PGLYRP2: variants seen among roughly 807,000 people sequenced by gnomAD.
The protein encoded by PGLYRP2 is N-acetylmuramoyl-L-alanine amidase.
Under a neutral mutation model 46.2 loss-of-function variants are expected in PGLYRP2, and 38 were observed. The observed-to-expected ratio is 0.82, with a 90% confidence interval of 0.64 to 1.08. The LOEUF (loss-of-function observed/expected upper bound fraction) is 1.08, where lower values mean the gene tolerates loss of function less well. Among genes scored for constraint, PGLYRP2 ranks in the 50% least tolerant of loss-of-function variants. The pLI is 0.00. For synonymous variants in PGLYRP2, 289 were observed against 329.4 expected (o/e 0.88, Z 1.33); for missense variants, 713 against 755.9 (o/e 0.94, Z 0.67).
At chr19:15,471,421 G>GT (rs143577855) in intron 3 of PGLYRP2, among the ~76,000 whole-genome samples, 52,775 of 151,154 alleles carry the variant, frequency 0.35, 9,330 homozygotes, top group Middle Eastern at 0.48. Flanking sequence ...GCCTTTTTAA[G>GT]TTTTTTTTGT....
In PGLYRP2 at chr19:15,479,319, G is replaced by A; in HGVS notation, c.53C>T (p.Pro18Leu). 3 of 1,614,038 alleles carry A rather than the reference G, an allele frequency of 1.9e-6. No individual in the cohort carries two copies. In the Middle Eastern group the frequency reaches 4.9e-4, roughly 266 times the overall value. Residue 18 changes from proline (P) to leucine (L), a missense_variant, in exon 1 of 5, where the codon CCA (proline) becomes CTA (leucine). Pro to Leu is a moderately conservative substitution (Grantham distance 98). Transcript: ENST00000340880. ...ILLGLLLWSD[P>L]GTASLPLLMD... ...TCTGCCCCCTGACTCACCTGTCCCT[G>A]GGTCTGACCACAGTAGCAATCCGAG...
chr19:15,478,442 C>T (rs1418076176), intron 1 of PGLYRP2, among the ~76,000 whole-genome samples: 1 of 152,160 alleles, frequency 6.6e-6, no homozygotes, highest in Non-Finnish European at 1.5e-5. Context: ...TCCTAGCCTG[C>T]AGAACTGCAA....
At chr19:15,472,121 G>A in intron 2 of PGLYRP2, 21 bp from the exon 3 acceptor site, 1 of 1,589,352 alleles carries the variant, frequency 6.3e-7, no homozygotes, top group Non-Finnish European at 8.5e-7. Context: ...GGGGGTTGAA[G>A]GCTGGGGTCA....
At chr19:15,471,038 C>T (rs1970743634) in intron 3 of PGLYRP2, among the ~76,000 whole-genome samples, 1 of 151,780 alleles carries the variant, frequency 6.6e-6, no homozygotes. Context: ...CTCCTGGGCT[C>T]CAGCGATCCT....
chr19:15,472,177 T>G, intron 2 of PGLYRP2, 77 bp from the exon 3 acceptor site: 2 of 1,231,298 alleles, frequency 1.6e-6, no homozygotes, highest in Non-Finnish European at 1.1e-6. Context: ...AAAGCGCACA[T>G]ACAGACCATC....
chr19:15,469,640 A>G lies in PGLYRP2; in HGVS notation c.1633T>C (p.Phe545Leu). ...LFDLLRTWPH[F>L]TATVKPRPAR... is the part of the protein sequence containing the mutation. ...AGGCTGCGAAGACTCACCGCGGTGA[A>G]GTGCGGCCAGGTGCGCAGCAGGTCG... The change falls in exon 4 of 5, where the codon TTC becomes CTC. Residue 545 changes from phenylalanine (F) to leucine (L), a missense_variant. By Grantham distance (22) the Phe-to-Leu change is conservative (BLOSUM62 0). Coordinates refer to ENST00000340880, the MANE Select transcript of PGLYRP2 (RefSeq NM_052890.4). This position sits in a 1 kb window ranked among gnomAD's most constrained non-coding sequence, Gnocchi z 4.9. 2 of 1,573,462 alleles carry G rather than the reference A, an allele frequency of 1.3e-6. No individual in the cohort carries two copies. Among genetic ancestry groups the G allele is most frequent in the Non-Finnish European group, 1.7e-6 (2 of 1,164,662 alleles).
At position 15,469,922 on chromosome 19, in the gene PGLYRP2, C is replaced by A; in HGVS notation, c.1351G>T (p.Val451Leu). ...GWGDIGYSFV[V>L]GSDGYVYEGR... ...TCGTACACGTAGCCGTCCGAGCCCA[C>A]CACGAAACTGCAGAGGGGAGGGAGA... The change falls in exon 4 of 5, where the codon GTG (valine) becomes TTG (leucine). Residue 451 changes from valine (V) to leucine (L), a missense_variant. Physicochemically the swap from Val to Leu is conservative, Grantham distance 32 (BLOSUM62 1). Coordinates refer to ENST00000340880, the MANE Select transcript of PGLYRP2 (RefSeq NM_052890.4). The surrounding 1 kb of genome is among the most constrained non-coding windows in gnomAD (Gnocchi z 4.9). 1 of 1,429,070 alleles carries A rather than the reference C, an allele frequency of 7.0e-7. No homozygotes were observed. The highest frequency in any genetic ancestry group is 9.1e-7 in the Non-Finnish European group (1 of 1,096,004). 88.5% of individuals were successfully genotyped at this position (1,429,070 alleles called of 1,614,324 possible).
At position 15,475,809 on chromosome 19, in the gene PGLYRP2, G is replaced by T; in HGVS notation, c.861C>A (p.Ser287Arg). The T allele has an allele frequency of 6.2e-7, 1 of 1,614,074 alleles. No individual in the cohort carries two copies. Among genetic ancestry groups the T allele is most frequent in the African/African-American group, 1.3e-5 (1 of 75,056 alleles). The change falls in exon 2 of 5, where the codon AGC becomes AGA. Residue 287 changes from serine (S) to arginine (R), a missense_variant. Transcript: ENST00000340880. ...GGGATGGCCGGGGCTCAGGAGTCCG[G>T]CTCAGGTAGTCTCCAAGGATGACCC... ...LDGVILGDYLSRTPEPRPSLS... is the reference protein window; with the variant it reads ...LDGVILGDYLRRTPEPRPSLS...
At chr19:15,476,727 T>C in intron 1 of PGLYRP2, 119 bp from the exon 2 acceptor site, 1 of 810,278 alleles carries the variant, frequency 1.2e-6, no homozygotes, top group Non-Finnish European at 1.9e-6. Flanking sequence ...CCCCCAACAC[T>C]ATCCTTGTGT....
Position 15,475,579 on chromosome 19 carries a change from AC to A in PGLYRP2, c.1090del (p.Val364TrpfsTer119). ...GAATTCCTTGGTAGCATTGGCAGCC[AC>A]CTGGGCCAGCTGTTCTTGGCTCATG... ...QCMSQEQLAQ[V>X]AANATKEFTE... On this transcript the variant is annotated frameshift_variant, in exon 2 of 5. Transcript: ENST00000340880. LOFTEE classifies it high-confidence loss of function. 6.2e-7 allele frequency: 1 copy of A among 1,611,894 alleles called. No individual in the cohort carries two copies. The highest frequency in any genetic ancestry group is 8.5e-7 in the Non-Finnish European group (1 of 1,178,554).
In PGLYRP2 at chr19:15,476,506, A is replaced by G. The variant is rs747257439; in HGVS notation, c.164T>C (p.Met55Thr). 11 of 1,614,032 alleles carry G rather than the reference A, an allele frequency of 6.8e-6. No homozygotes were observed. The East Asian group carries it at 2.0e-4, about 29-fold the overall frequency. The change falls in exon 2 of 5, where the codon ATG (methionine) becomes ACG (threonine). Residue 55 changes from methionine to threonine, a missense_variant. Physicochemically the swap from Met to Thr is moderately conservative, Grantham distance 81. Coordinates refer to ENST00000340880, the MANE Select transcript of PGLYRP2 (RefSeq NM_052890.4). ...KTRHTASAWL[M>T]SAPNSGPHNR... ...GTGGGGGCCAGAGTTTGGAGCTGAC[A>G]TCAGCCACGCAGAAGCTGTGTGTCT... is the stretch of plus-strand genomic sequence containing the variant.
intron 2 of PGLYRP2, among the ~76,000 whole-genome samples, chr19:15,472,896 G>A (rs539047662): frequency 2.0e-5 from 3 of 152,056 alleles, no homozygotes; most frequent in African/African-American, 4.8e-5. Context: ...AGCAAAACGA[G>A]CCTGGTATCA....
intron 3 of PGLYRP2, among the ~76,000 whole-genome samples, chr19:15,470,917 T>A (rs1010527070): frequency 6.6e-6 from 1 of 152,114 alleles, no homozygotes; most frequent in African/African-American, 2.4e-5. Context: ...GTGCTGGGAT[T>A]ACAGGCGTTA....
Position 15,475,919 on chromosome 19 carries a change from G to A in PGLYRP2, c.751C>T (p.Gln251Ter). 1 of 1,614,142 alleles carries A rather than the reference G, an allele frequency of 6.2e-7. No individual in the cohort carries two copies. The highest frequency in any genetic ancestry group is 8.5e-7 in the Non-Finnish European group (1 of 1,180,030). ...GTAAAGGTCCGAGGGGCAGAGAGCTGGTCCCAGCAGCCCTCAGTTCCCAGG... is the reference window on the plus strand; with the variant it reads ...GTAAAGGTCCGAGGGGCAGAGAGCTAGTCCCAGCAGCCCTCAGTTCCCAGG... ...PDLGTEGCWD[Q>*]LSAPRTFTLL... The change falls in exon 2 of 5, where the codon CAG (glutamine) becomes TAG (stop). Residue 251 changes from glutamine to a stop codon, truncating the protein, a stop_gained. Transcript: ENST00000340880. LOFTEE classifies it high-confidence loss of function.
At chr19:15,479,008 C>T (rs910735806) in intron 1 of PGLYRP2, among the ~76,000 whole-genome samples, 1 of 152,104 alleles carries the variant, frequency 6.6e-6, no homozygotes, top group Admixed American at 6.6e-5. Context: ...TAGCTTTGCT[C>T]TTCTCTGCAA....
At position 15,471,953 on chromosome 19, in the gene PGLYRP2, G is replaced by C. The variant is rs144544106; in HGVS notation, c.1280C>G (p.Ala427Gly). ...PPCTDFTRCA[A>G]NMRSMQRYHQ... is the part of the protein sequence containing the mutation. ...GTAGCGCTGCATGGAGCGCATGTTGGCTGCGCAGCGCGTGAAGTCCGTGCA... is the reference window on the plus strand; with the variant it reads ...GTAGCGCTGCATGGAGCGCATGTTGCCTGCGCAGCGCGTGAAGTCCGTGCA... Residue 427 changes from alanine (A) to glycine (G), a missense_variant, in exon 3 of 5, where the codon GCC becomes GGC. Ala to Gly is a moderately conservative substitution (Grantham distance 60, BLOSUM62 0). Coordinates refer to ENST00000340880, the MANE Select transcript of PGLYRP2 (RefSeq NM_052890.4). The C allele has an allele frequency of 6.2e-7, 1 of 1,614,096 alleles. No homozygotes were observed. Among genetic ancestry groups the C allele is most frequent in the Non-Finnish European group, 8.5e-7 (1 of 1,179,970 alleles).
At chr19:15,477,317 T>C (rs999138051) in intron 1 of PGLYRP2, among the ~76,000 whole-genome samples, 6 of 139,300 alleles carry the variant, frequency 4.3e-5, no homozygotes, top group African/African-American at 1.7e-4. Context: ...CACTTGAACA[T>C]GGGAGGTGGA....
chr19:15,469,293 C>G lies in PGLYRP2; in HGVS notation c.1641+339G>C, dbSNP rs577933196. ...ACTTGGGTAGAGAAGTCATGAAGGC[C>G]AGGCTGAGGTTGTGAGGGCAGAGGG... On this transcript the variant is annotated intron_variant, in intron 4 of 4. Coordinates refer to ENST00000340880, the MANE Select transcript of PGLYRP2 (RefSeq NM_052890.4). The surrounding 1 kb of genome is among the most constrained non-coding windows in gnomAD (Gnocchi z 4.9). The G allele has an allele frequency of 5.1e-5, 31 of 613,030 alleles. No individual in the cohort carries two copies. In the South Asian group the frequency reaches 5.8e-4, roughly 12 times the overall value. 38.0% of individuals were successfully genotyped at this position (613,030 alleles called of 1,614,324 possible).
At chr19:15,473,062 A>T (rs1353195342) in intron 2 of PGLYRP2, among the ~76,000 whole-genome samples, 1 of 152,218 alleles carries the variant, frequency 6.6e-6, no homozygotes, top group Non-Finnish European at 1.5e-5. Flanking sequence ...GTCGACAAAA[A>T]TAAGCAATGG....
Sources: allele counts gnomAD v4.1 joint callset (sites outside exome capture counted in the v4.1 genomes callset), GRCh38; gene constraint gnomAD v4.1.1; non-coding constraint Gnocchi (gnomAD v3.1); transcripts MANE v1.5; gene names NCBI Gene and HGNC (gene_info 2026-07-23, HGNC 2026-07-21).